The following RBM25 variants were observed in gnomAD, a reference collection of about 807,000 sequenced individuals.
RBM25 encodes RNA binding motif protein 25, also known as RNA-binding protein 25.
In RBM25, 19 loss-of-function variants were observed where a neutral mutation model predicts 120.7. The ratio of observed to expected loss-of-function variants is 0.16; its 90% CI spans 0.11 to 0.23. RBM25 has a LOEUF of 0.23. Among genes scored for constraint, RBM25 ranks in the 10% least tolerant of loss-of-function variants. The pLI is 1.00. For synonymous variants in RBM25, 390 were observed against 326.7 expected (o/e 1.19, Z -2.09); for missense variants, 605 against 1,041.5 (o/e 0.58, Z 5.77).
At chr14:73,099,822 A>T in intron 9 of RBM25, 72 bp downstream of exon 9, 1 of 1,505,292 alleles carries the variant, frequency 6.6e-7, no homozygotes, top group Non-Finnish European at 8.8e-7. Context: ...AGACAAAAAA[A>T]ATCAACCTTA....
At chr14:73,069,301 G>T (rs1167831188) in intron 1 of RBM25, among the ~76,000 whole-genome samples, 1 of 152,190 alleles carries the variant, frequency 6.6e-6, no homozygotes, top group Non-Finnish European at 1.5e-5. Context: ...AAAATTATTA[G>T]TTCATAGAAT....
intron 4 of RBM25, among the ~76,000 whole-genome samples, chr14:73,082,065 G>A (rs1474799669): frequency 6.6e-6 from 1 of 152,124 alleles, no homozygotes; most frequent in African/African-American, 2.4e-5. Flanking sequence ...ACTCTGTTTG[G>A]ATGTTGAGCT....
chr14:73,064,666 T>C (rs994821756), intron 1 of RBM25, among the ~76,000 whole-genome samples: 2 of 151,328 alleles, frequency 1.3e-5, no homozygotes, highest in African/African-American at 2.4e-5. Context: ...GTGCTGGGAT[T>C]ACAGATGTGA....
chr14:73,119,893 G>T lies in RBM25; in HGVS notation c.*88G>T. ...ATTTTTCTTTGTCTTTGAAGACATT[G>T]TGAGATCTGTAATTTTTTTTTTTTG... On this transcript the variant is annotated 3_prime_UTR_variant, in exon 19 of 19. Transcript: ENST00000261973. 1 of 1,489,284 alleles carries T rather than the reference G, an allele frequency of 6.7e-7. No individual in the cohort carries two copies. The highest frequency in any genetic ancestry group is 8.9e-7 in the Non-Finnish European group (1 of 1,128,876). The allele number at this position is 1,489,284 out of a possible 1,614,324, so 92.3% of individuals were successfully genotyped here.
At chr14:73,087,126 G>T (rs1895705551) in intron 5 of RBM25, among the ~76,000 whole-genome samples, 1 of 152,072 alleles carries the variant, frequency 6.6e-6, no homozygotes, top group Admixed American at 6.6e-5. Flanking sequence ...TACATATTTA[G>T]ATTTATTTGA....
intron 6 of RBM25, among the ~76,000 whole-genome samples, chr14:73,091,645 G>A (rs1429480171): frequency 2.2e-4 from 33 of 152,240 alleles, no homozygotes; most frequent in Admixed American, 2.1e-3. Flanking sequence ...GCCGAGGTCG[G>A]AGGATCACCT....
rs181274053 is a variant in RBM25 at position 73,081,398 on chromosome 14, A to C, written c.325-2096A>C. On this transcript the variant is annotated intron_variant, in intron 4 of 18. Transcript: ENST00000261973. Reference sequence around the variant, plus strand: ...AGTGATCCACCCACCTTGGCTTCCCAAAGTGTGGGGATTCTTTTCCCTTCT... The same window carrying C: ...AGTGATCCACCCACCTTGGCTTCCCCAAGTGTGGGGATTCTTTTCCCTTCT... 1.6e-3 allele frequency among the ~76,000 whole-genome samples: 242 copies of C among 152,324 alleles called. 1 individual carries two copies. The highest frequency in any genetic ancestry group is 5.7e-3 in the African/African-American group (239 of 41,574).
intron 4 of RBM25, 144 bp downstream of exon 4, chr14:73,077,680 G>A (rs922423903): frequency 3.4e-5 from 24 of 698,660 alleles, no homozygotes; most frequent in Non-Finnish European, 4.6e-5. Context: ...CAGTGAACAC[G>A]TTTGTATTCT....
intron 14 of RBM25, among the ~76,000 whole-genome samples, chr14:73,110,350 A>G (rs1438751347): frequency 6.6e-6 from 1 of 151,848 alleles, no homozygotes; most frequent in Non-Finnish European, 1.5e-5. Flanking sequence ...GCCTGACTGA[A>G]TACTTTATGC....
At chr14:73,086,239 A>T (rs1378770435) in intron 5 of RBM25, among the ~76,000 whole-genome samples, 1 of 151,736 alleles carries the variant, frequency 6.6e-6, no homozygotes, top group Non-Finnish European at 1.5e-5. Flanking sequence ...AGAGATCAAG[A>T]CCATCCTGGC....
intron 17 of RBM25, among the ~76,000 whole-genome samples, chr14:73,112,792 T>G (rs1191401510): frequency 1.3e-5 from 2 of 151,720 alleles, no homozygotes; most frequent in Non-Finnish European, 2.9e-5. Flanking sequence ...TTTGTTTTGT[T>G]TTTTGTTTTT....
chr14:73,109,656 A>C (rs1234574521), intron 14 of RBM25, among the ~76,000 whole-genome samples, 164 bp downstream of exon 14: 1 of 151,918 alleles, frequency 6.6e-6, no homozygotes, highest in Non-Finnish European at 1.5e-5. Flanking sequence ...AGCCGGGTGT[A>C]GTGGTGGGCG....
rs118107901 is a variant in RBM25, at chr14:73,112,065, T to A, written c.2293-87T>A. On this transcript the variant is annotated intron_variant, in intron 16 of 18. Coordinates refer to ENST00000261973, the MANE Select transcript of RBM25 (RefSeq NM_021239.3). Reference sequence around the variant, plus strand: ...TTCAACTTGTGAAATAACATTATATTTTAGTCTCAGGAAAAATCATGAAGC... The same window carrying A: ...TTCAACTTGTGAAATAACATTATATATTAGTCTCAGGAAAAATCATGAAGC... 9.0e-5 allele frequency: 113 copies of A among 1,258,160 alleles called. 2 individuals carry two copies. In the East Asian group the frequency reaches 2.5e-3, roughly 28 times the overall value. The allele number at this position is 1,258,160 out of a possible 1,614,324, so 77.9% of individuals were successfully genotyped here.
intron 10 of RBM25, among the ~76,000 whole-genome samples, chr14:73,103,940 TCTCTCTCTCACA>T (rs1487916524): frequency 3.2e-4 from 13 of 41,094 alleles, no homozygotes; most frequent in Admixed American, 4.6e-4. Context: ...TCTCTCTCTC[TCTCTCTCTCACA>T]CACACACACA....
intron 12 of RBM25, 70 bp from the exon 13 acceptor site, chr14:73,107,756 C>A: frequency 1.7e-6 from 2 of 1,165,616 alleles, no homozygotes; most frequent in Non-Finnish European, 2.5e-6. Flanking sequence ...AATCTGTTTA[C>A]ACAAAAAAGG....
intron 9 of RBM25, chr14:73,101,514 A>ATG (rs897999569): frequency 3.3e-5 from 4 of 119,974 alleles, no homozygotes; most frequent in Non-Finnish European, 7.4e-5. Context: ...ACATGTGTGT[A>ATG]TATATATATA....
At chr14:73,067,846 G>T (rs1178203085) in intron 1 of RBM25, among the ~76,000 whole-genome samples, 1 of 151,460 alleles carries the variant, frequency 6.6e-6, no homozygotes, top group Admixed American at 6.6e-5. Context: ...TGATCCACCC[G>T]CTTCGGCCTC....
rs180807426 is a variant in RBM25 at position 73,060,620 on chromosome 14, T to C, written c.-16+1915T>C. 2.0e-3 allele frequency among the ~76,000 whole-genome samples: 296 copies of C among 151,686 alleles called. 7 individuals carry two copies. Among genetic ancestry groups the C allele is most frequent in the Middle Eastern group, 0.014 (4 of 294 alleles). On this transcript the variant is annotated intron_variant, in intron 1 of 18. Coordinates refer to ENST00000261973, the MANE Select transcript of RBM25 (RefSeq NM_021239.3). ...ACTGCCATTCACAAAAGGGGATTTT[T>C]GATTCTTCTTAAATAGCTTTTCTAC...
intron 10 of RBM25, among the ~76,000 whole-genome samples, chr14:73,105,292 C>T (rs966422351): frequency 6.6e-6 from 1 of 151,998 alleles, no homozygotes; most frequent in Non-Finnish European, 1.5e-5. Context: ...AGGCCTCCTA[C>T]CTCGGCTTCT....
Sources: gnomAD v4.1 joint callset for allele counts (sites outside exome capture counted in the v4.1 genomes callset) on GRCh38, gnomAD v4.1.1 for gene constraint, MANE v1.5 for transcripts, NCBI Gene and HGNC (gene_info 2026-07-23, HGNC 2026-07-21) for gene names.